Variants in AGBL1 observed in about 807,000 individuals in gnomAD.
The protein encoded by AGBL1 is AGBL carboxypeptidase 1, also known as cytosolic carboxypeptidase 4.
Under a neutral mutation model 118.9 loss-of-function variants are expected in AGBL1, and 130 were observed. The ratio of observed to expected loss-of-function variants is 1.09; its 90% CI spans 0.95 to 1.26. AGBL1 has a LOEUF of 1.26. AGBL1 is among the 50% of genes most tolerant of loss of function. The pLI, the probability that AGBL1 is intolerant of heterozygous loss-of-function variation, is 0.00. For synonymous variants in AGBL1, 555 were observed against 478.9 expected, an observed-to-expected ratio of 1.16 and a Z score of -2.08; for missense variants, 1,584 against 1,298.1, an observed-to-expected ratio of 1.22 and a Z score of -3.38.
At position 86,262,855 on chromosome 15, in the gene AGBL1, A is replaced by G. The variant is rs755055710; in HGVS notation, c.1047A>G (p.Gln349=). ...GLDRPEEELM[Q]YEVMCLELSY... is the part of the protein sequence containing the mutation. ...ACCGACCTGAAGAGGAACTGATGCA[A>G]TATGAGGTGATGTGTCTTGAGCTCT... Residue 349 remains glutamine (Q), a synonymous_variant, in exon 10 of 23, where the codon CAA becomes CAG. Coordinates refer to ENST00000614907, the MANE Select transcript of AGBL1 (RefSeq NM_001386094.1). 3 of 1,610,504 alleles carry G rather than the reference A, an allele frequency of 1.9e-6. No homozygotes were observed. The highest frequency in any genetic ancestry group is 4.5e-5 in the East Asian group (2 of 44,872).
At chr15:86,644,266 C>T (rs559924267) in intron 21 of AGBL1, among the ~76,000 whole-genome samples, 10 of 152,018 alleles carry the variant, frequency 6.6e-5, no homozygotes, top group African/African-American at 2.2e-4. Flanking sequence ...CAGTTGGTTT[C>T]AGATTGGGCA....
intron 18 of AGBL1, among the ~76,000 whole-genome samples, chr15:86,476,832 T>G (rs887077039): frequency 6.6e-6 from 1 of 152,208 alleles, no homozygotes; most frequent in African/African-American, 2.4e-5. Flanking sequence ...TAGTTGGAAG[T>G]AAAGCACTCC....
chr15:86,310,187 T>G (rs1213583570), intron 17 of AGBL1, among the ~76,000 whole-genome samples: 1 of 152,212 alleles, frequency 6.6e-6, no homozygotes, highest in Non-Finnish European at 1.5e-5. Flanking sequence ...ATTTATTCAT[T>G]TCTTTGGGTT....
chr15:86,730,508 T>A (rs992890498), intron 22 of AGBL1, among the ~76,000 whole-genome samples: 1 of 152,016 alleles, frequency 6.6e-6, no homozygotes, highest in Non-Finnish European at 1.5e-5. Flanking sequence ...GGTCCGTGGG[T>A]TTTTTTTCTT....
chr15:86,895,729 T>A (rs2080116661), intron 22 of AGBL1, among the ~76,000 whole-genome samples: 1 of 152,066 alleles, frequency 6.6e-6, no homozygotes, highest in Non-Finnish European at 1.5e-5. Flanking sequence ...CCACAGAAAG[T>A]TCCTTTCACC....
At chr15:86,575,265 G>A (rs2084073621) in intron 21 of AGBL1, among the ~76,000 whole-genome samples, 1 of 152,026 alleles carries the variant, frequency 6.6e-6, no homozygotes, top group African/African-American at 2.4e-5. Flanking sequence ...TTGGGAGGCT[G>A]AGGCAGGAGG....
intron 17 of AGBL1, among the ~76,000 whole-genome samples, chr15:86,353,450 G>A (rs2080663678): frequency 6.6e-6 from 1 of 152,138 alleles, no homozygotes; most frequent in Non-Finnish European, 1.5e-5. Context: ...CCTAATGAAA[G>A]GAAAAGAGAG....
intron 21 of AGBL1, among the ~76,000 whole-genome samples, chr15:86,577,345 G>A (rs1382542622): frequency 2.6e-5 from 4 of 152,118 alleles, no homozygotes; most frequent in Admixed American, 1.3e-4. Context: ...GGTATGTGGT[G>A]GAAGAAATTT....
Position 86,223,682 on chromosome 15 carries a change from G to A in AGBL1, c.489-1232G>A, listed in dbSNP as rs2078314029. ...TGGTCATTTTGGTCTCCCTGAGTGG[G>A]GGTGTCATCCCAGTTGTGGGTTTGC... On this transcript the variant is annotated intron_variant, in intron 5 of 22. Transcript: ENST00000614907. Among the ~76,000 whole-genome samples the A allele has an allele frequency of 2.0e-5, 3 of 152,128 alleles. No homozygotes were observed. The South Asian group carries it at 6.2e-4, about 31-fold the overall frequency.
At chr15:86,213,507 C>T (rs2078135511) in intron 5 of AGBL1, among the ~76,000 whole-genome samples, 2 of 152,224 alleles carry the variant, frequency 1.3e-5, no homozygotes, top group South Asian at 4.1e-4. Context: ...GCTTAAAACT[C>T]TGTGTTTTAA....
chr15:86,529,753 G>T (rs139580860), intron 19 of AGBL1, among the ~76,000 whole-genome samples: 5 of 151,228 alleles, frequency 3.3e-5, no homozygotes, highest in African/African-American at 9.8e-5. Context: ...GACTAACAGC[G>T]GATCTCTCGG....
At chr15:86,500,800 G>T (rs1267279576) in intron 18 of AGBL1, among the ~76,000 whole-genome samples, 1 of 151,674 alleles carries the variant, frequency 6.6e-6, no homozygotes, top group Non-Finnish European at 1.5e-5. Flanking sequence ...GGTTTTCAAG[G>T]TTTCATCTAT....
intron 22 of AGBL1, among the ~76,000 whole-genome samples, chr15:86,850,496 C>T (rs2079393250): frequency 6.6e-6 from 1 of 152,164 alleles, no homozygotes; most frequent in Non-Finnish European, 1.5e-5. Flanking sequence ...CCATGGGTGC[C>T]CCACTGCGCC....
chr15:86,902,702 C>T (rs2080227584), intron 22 of AGBL1, among the ~76,000 whole-genome samples: 1 of 152,132 alleles, frequency 6.6e-6, no homozygotes, highest in Non-Finnish European at 1.5e-5. Context: ...CAGTTCTTTG[C>T]TTTCAACACT....
intron 6 of AGBL1, among the ~76,000 whole-genome samples, chr15:86,231,967 G>C (rs2078462966): frequency 6.6e-6 from 1 of 152,200 alleles, no homozygotes; most frequent in Non-Finnish European, 1.5e-5. Context: ...CCCAGCAAGA[G>C]GTACCCAGCA....
intron 18 of AGBL1, among the ~76,000 whole-genome samples, chr15:86,414,519 A>C (rs74025122): frequency 0.033 from 5,042 of 152,278 alleles, 276 homozygotes; most frequent in African/African-American, 0.12. Flanking sequence ...GCAGGACGCT[A>C]GCAGATTGGT....
At position 86,080,010 on chromosome 15, in the gene AGBL1, T is replaced by G; in HGVS notation, c.38T>G (p.Leu13Arg). The G allele has an allele frequency of 8.1e-7, 1 of 1,232,236 alleles. No homozygotes were observed. Among genetic ancestry groups the G allele is most frequent in the Non-Finnish European group, 1.0e-6 (1 of 988,056 alleles). The allele number at this position is 1,232,236 out of a possible 1,614,324, so 76.3% of individuals were successfully genotyped here. ...EQEASGLQVLLHTLQSSSDKE... is the reference protein window; with the variant it reads ...EQEASGLQVLRHTLQSSSDKE... ...GAAGCTAGTGGGCTACAGGTCCTGC[T>G]GCACACGCTTCAGGTAGGAAAGGGT... Residue 13 changes from leucine to arginine, a missense_variant, in exon 1 of 23, where the codon CTG (leucine) becomes CGG (arginine). Transcript: ENST00000614907.
intron 17 of AGBL1, among the ~76,000 whole-genome samples, chr15:86,370,558 G>A (rs1466099952): frequency 2.0e-5 from 3 of 152,064 alleles, no homozygotes; most frequent in African/African-American, 4.8e-5. Context: ...GCCTCCCAAA[G>A]TTCTGGGATT....
chr15:86,738,799 G>C (rs774861411), intron 22 of AGBL1, among the ~76,000 whole-genome samples: 1 of 152,090 alleles, frequency 6.6e-6, no homozygotes, highest in Admixed American at 6.6e-5. Flanking sequence ...GATAGAAGTT[G>C]TGTGGGGGAA....
Sources: gnomAD v4.1 joint callset for allele counts (sites outside exome capture counted in the v4.1 genomes callset) on GRCh38, gnomAD v4.1.1 for gene constraint, MANE v1.5 for transcripts, NCBI Gene and HGNC (gene_info 2026-07-23, HGNC 2026-07-21) for gene names.